Variants in PDE6A observed in about 807,000 individuals in gnomAD.
PDE6A encodes phosphodiesterase 6A.
A neutral mutation model predicts 106.3 loss-of-function variants in PDE6A; 84 were observed. The observed-to-expected ratio is 0.79, with a 90% CI of 0.66 to 0.95. The LOEUF (loss-of-function observed/expected upper bound fraction) is 0.95, where lower values mean the gene tolerates loss of function less well. Ranked by LOEUF, PDE6A falls within the 40% of genes least tolerant of loss-of-function variation. The probability of loss-of-function intolerance (pLI) is 0.00; values close to 1 mark genes in which losing one functional copy is unlikely to be tolerated. For synonymous variants in PDE6A, 394 were observed against 386.6 expected (o/e 1.02, Z -0.23); for missense variants, 1,052 against 1,084.9 (o/e 0.97, Z 0.43).
Position 149,884,548 on chromosome 5 carries a change from C to T in PDE6A, c.1958G>A (p.Arg653Gln), listed in dbSNP as rs777944622. The T allele has an allele frequency of 5.5e-5, 89 of 1,613,368 alleles. No individual in the cohort carries two copies. The Admixed American group carries it at 7.8e-4, about 14-fold the overall frequency. Residue 653 changes from arginine (R) to glutamine (Q), a missense_variant, in exon 16 of 22, where the codon CGA becomes CAA. Arg to Gln is a conservative substitution (Grantham distance 43). This residue lies in a region of PDE6A where 913 missense variants were observed against 915.2 expected (regional missense o/e 1.00). Transcript: ENST00000255266. ...CATGTGGATGGCATGCTCATGCTGT[C>T]GACGATTGAGGTTTTGAAAGATATT... Reference protein sequence around the residue: ...SLNIFQNLNRRQHEHAIHMMD... With the variant: ...SLNIFQNLNRQQHEHAIHMMD...
At chr5:149,931,196 G>A in intron 3 of PDE6A, 28 bp from the exon 4 acceptor site, 3 of 1,612,614 alleles carry the variant, frequency 1.9e-6, no homozygotes, top group South Asian at 2.2e-5. Context: ...CATATTCATA[G>A]GTTTTGAGGT....
chr5:149,864,771 G>C (rs1481470071), intron 20 of PDE6A, among the ~76,000 whole-genome samples: 1 of 152,184 alleles, frequency 6.6e-6, no homozygotes, highest in Non-Finnish European at 1.5e-5. Flanking sequence ...AGAGATGCCT[G>C]GGTTCCGGTC....
intron 6 of PDE6A, among the ~76,000 whole-genome samples, chr5:149,913,493 C>T (rs142104970): frequency 6.0e-4 from 91 of 152,232 alleles, no homozygotes; most frequent in Middle Eastern, 3.4e-3. Context: ...TTCTCATCCT[C>T]ACCGGTAACA....
chr5:149,858,183 T>A lies in PDE6A; in HGVS notation c.*2712A>T, dbSNP rs911003892. 6.6e-6 allele frequency: 1 copy of A among 152,230 alleles called. No individual in the cohort carries two copies. Among genetic ancestry groups the A allele is most frequent in the Non-Finnish European group, 1.5e-5 (1 of 68,046 alleles). The allele number at this position is 152,230 out of a possible 1,614,324, so 9.4% of individuals were successfully genotyped here. On this transcript the variant is annotated 3_prime_UTR_variant, in exon 22 of 22. Transcript: ENST00000255266. ...AATTAGCTTAATTATGGTAACCATT[T>A]CACAATGTATATCAAAACATCACAG...
At chr5:149,932,458 T>A (rs1754065105) in intron 3 of PDE6A, 7 of 1,409,488 alleles carry the variant, frequency 5.0e-6, no homozygotes, top group Non-Finnish European at 6.0e-6. Context: ...TCTGCTGGTC[T>A]TGAAAATGAA....
At chr5:149,896,689 G>A (rs748822646) in intron 11 of PDE6A, 22 bp downstream of exon 11, 30 of 1,613,892 alleles carry the variant, frequency 1.9e-5, no homozygotes, top group African/African-American at 5.3e-5. Flanking sequence ...ATCGGGGCTC[G>A]TGCTGCCCCG....
At position 149,884,609 on chromosome 5, in the gene PDE6A, G is replaced by C. The variant is rs757416400; in HGVS notation, c.1927-30C>G. On this transcript the variant is annotated intron_variant, in intron 15 of 21. Transcript: ENST00000255266. Reference sequence around the variant, plus strand: ...AGAAAAAAAGAGAAGCGAGATGGGAGAGAATTGATGCTGGCAGTAAAGTCA... The same window carrying C: ...AGAAAAAAAGAGAAGCGAGATGGGACAGAATTGATGCTGGCAGTAAAGTCA... The C allele has an allele frequency of 1.6e-5, 25 of 1,563,950 alleles. No homozygotes were observed. The East Asian group carries it at 5.1e-4, about 32-fold the overall frequency.
At chr5:149,918,381 C>T (rs922497737) in intron 5 of PDE6A, among the ~76,000 whole-genome samples, 11 of 152,080 alleles carry the variant, frequency 7.2e-5, no homozygotes, top group Middle Eastern at 3.2e-3. Context: ...AGAATCATAG[C>T]GTTAGTGCAG....
chr5:149,939,607 A>G (rs1754274388), intron 1 of PDE6A, among the ~76,000 whole-genome samples: 1 of 152,148 alleles, frequency 6.6e-6, no homozygotes, highest in Admixed American at 6.5e-5. Context: ...TGCCAAGAAC[A>G]CTGCTGATGA....
intron 5 of PDE6A, among the ~76,000 whole-genome samples, chr5:149,920,537 G>A (rs1309868040): frequency 1.3e-5 from 2 of 152,122 alleles, no homozygotes; most frequent in East Asian, 1.9e-4. Context: ...CCAAGATCAC[G>A]CCATTGCACT....
In PDE6A at chr5:149,944,188, G is replaced by A. The variant is rs1165493341; in HGVS notation, c.474+12C>T. 1 of 1,599,060 alleles carries A rather than the reference G, an allele frequency of 6.3e-7. No individual in the cohort carries two copies. Among genetic ancestry groups the A allele is most frequent in the Non-Finnish European group, 8.6e-7 (1 of 1,166,828 alleles). On this transcript the variant is annotated intron_variant, in intron 1 of 21. Coordinates refer to ENST00000255266, the MANE Select transcript of PDE6A (RefSeq NM_000440.3). ...ATGCCCCATGCCCTCTCTCTCATGG[G>A]GAAGAGAGTACCTCCTCTGTGTTGG...
chr5:149,940,709 G>A (rs1001550877), intron 1 of PDE6A, among the ~76,000 whole-genome samples: 4 of 152,030 alleles, frequency 2.6e-5, no homozygotes, highest in Admixed American at 1.3e-4. Context: ...TGTTGGCCAG[G>A]CTGGTTTCAA....
intron 17 of PDE6A, among the ~76,000 whole-genome samples, chr5:149,871,685 C>T (rs888313680): frequency 6.6e-5 from 10 of 151,956 alleles, no homozygotes; most frequent in Admixed American, 3.3e-4. Flanking sequence ...GGCGCCGCTG[C>T]GAGGGGATGG....
At chr5:149,942,410 G>A (rs910444989) in intron 1 of PDE6A, among the ~76,000 whole-genome samples, 1 of 152,126 alleles carries the variant, frequency 6.6e-6, no homozygotes, top group South Asian at 2.1e-4. Flanking sequence ...CCCCACCTTA[G>A]GCAGCCTGGT....
At chr5:149,906,450 C>T (rs1753183064) in intron 7 of PDE6A, among the ~76,000 whole-genome samples, 1 of 140,684 alleles carries the variant, frequency 7.1e-6, no homozygotes, top group Admixed American at 7.6e-5. Flanking sequence ...TGTTTGAGCC[C>T]AGGAGGCGGA....
chr5:149,866,156 A>G lies in PDE6A; in HGVS notation c.2358+14T>C. 6.2e-7 allele frequency: 1 copy of G among 1,600,002 alleles called. No individual in the cohort carries two copies. Among genetic ancestry groups the G allele is most frequent in the Non-Finnish European group, 8.6e-7 (1 of 1,167,194 alleles). On this transcript the variant is annotated intron_variant, in intron 20 of 21. Coordinates refer to ENST00000255266, the MANE Select transcript of PDE6A (RefSeq NM_000440.3). ...AAAGACATCTTGTTGCGGCTGAGGA[A>G]GCCAAGGGCCTACCTTGTAGACGAA... is the stretch of plus-strand genomic sequence containing the variant.
chr5:149,903,774 A>G (rs2113608284), intron 7 of PDE6A, 79 bp from the exon 8 acceptor site: 3 of 1,012,550 alleles, frequency 3.0e-6, no homozygotes, highest in Non-Finnish European at 4.8e-6. Flanking sequence ...TACCATTTTC[A>G]GAAACACCAT....
chr5:149,861,038 T>A, intron 21 of PDE6A, 67 bp from the exon 22 acceptor site: 3 of 1,438,366 alleles, frequency 2.1e-6, no homozygotes, highest in Non-Finnish European at 2.9e-6. Flanking sequence ...CCCTTTGACC[T>A]AATTTGGACC....
At chr5:149,934,492 G>C in intron 2 of PDE6A, 74 bp downstream of exon 2, 1 of 1,499,314 alleles carries the variant, frequency 6.7e-7, no homozygotes. Context: ...AGGTCAAACA[G>C]CAAAGTTCAG....
Sources: gnomAD v4.1 joint callset for allele counts (sites outside exome capture counted in the v4.1 genomes callset) on GRCh38, gnomAD v4.1.1 for gene constraint, gnomAD v4.1.1 regional missense constraint, MANE v1.5 for transcripts, NCBI Gene and HGNC (gene_info 2026-07-23, HGNC 2026-07-21) for gene names.